The following TBC1D9B variants were observed in gnomAD, a reference collection of about 807,000 sequenced individuals.
TBC1D9B encodes TBC1 domain family, member 9B (with GRAM domain).
A neutral mutation model predicts 121.1 loss-of-function variants in TBC1D9B; 87 were observed. The observed-to-expected ratio is 0.72, with a 90% CI of 0.60 to 0.86. The LOEUF (loss-of-function observed/expected upper bound fraction) is 0.86, where lower values mean the gene tolerates loss of function less well. Among genes scored for constraint, TBC1D9B ranks in the 40% least tolerant of loss-of-function variants. The pLI is 0.00. For synonymous variants in TBC1D9B, 668 were observed against 670.1 expected (o/e 1.00, Z 0.05); for missense variants, 1,540 against 1,628.6 (o/e 0.95, Z 0.94).
Position 179,867,812 on chromosome 5 carries a change from C to T in TBC1D9B, c.2829G>A (p.Ala943=), listed in dbSNP as rs145344137. ...AGCTGTCCTCTGTGAAATAATGGGC[C>T]GCCTCCAGGGCTGACTCGGCTTCCT... ...SPEEAESALE[A]AHYFTEDSSS... Residue 943 remains alanine, a synonymous_variant, in exon 18 of 21, where the codon GCG becomes GCA. Transcript: ENST00000355235. 42 of 1,537,840 alleles carry T rather than the reference C, an allele frequency of 2.7e-5. No homozygotes were observed. The highest frequency in any genetic ancestry group is 4.1e-5 in the African/African-American group (3 of 72,576).
At chr5:179,883,898 TC>T (rs1374060157) in intron 7 of TBC1D9B, among the ~76,000 whole-genome samples, 1 of 152,176 alleles carries the variant, frequency 6.6e-6, no homozygotes, top group Non-Finnish European at 1.5e-5. Context: ...GAGAGGCCTT[TC>T]CCCTGCTGTG....
At position 179,890,096 on chromosome 5, in the gene TBC1D9B, G is replaced by A. The variant is rs1417391441; in HGVS notation, c.1044+1283C>T. Among the ~76,000 whole-genome samples the A allele has an allele frequency of 6.6e-6, 1 of 152,172 alleles. No individual in the cohort carries two copies. Among genetic ancestry groups the A allele is most frequent in the East Asian group, 1.9e-4 (1 of 5,190 alleles). ...GTGGAAGAGGGGTCACTTCCCGAGG[G>A]AAGCATGGAAGCGGGTGGTTGGGAG... On this transcript the variant is annotated intron_variant, in intron 6 of 20. Transcript: ENST00000355235. This position sits in a 1 kb window ranked among gnomAD's most constrained non-coding sequence, Gnocchi z 5.0.
chr5:179,907,424 A>G lies in TBC1D9B; in HGVS notation c.118+280T>C, dbSNP rs1294506802. On this transcript the variant is annotated intron_variant, in intron 1 of 20. Transcript: ENST00000355235. The surrounding 1 kb of genome is among the most constrained non-coding windows in gnomAD (Gnocchi z 5.3). Reference sequence around the variant, plus strand: ...CTCGCGGGCGCCGAATCCGGGCAGAAGCCGCCGCCGGTCTCCACTTGGCCG... The same window carrying G: ...CTCGCGGGCGCCGAATCCGGGCAGAGGCCGCCGCCGGTCTCCACTTGGCCG... Among the ~76,000 whole-genome samples the G allele has an allele frequency of 2.6e-5, 4 of 151,146 alleles. No individual in the cohort carries two copies. The highest frequency in any genetic ancestry group is 4.5e-5 in the Non-Finnish European group (3 of 67,298).
intron 1 of TBC1D9B, among the ~76,000 whole-genome samples, chr5:179,905,719 G>A (rs1482973768): frequency 1.3e-5 from 2 of 152,054 alleles, no homozygotes; most frequent in Non-Finnish European, 1.5e-5. Context: ...TTGAATTATC[G>A]AGCAATCTAA....
intron 5 of TBC1D9B, among the ~76,000 whole-genome samples, chr5:179,892,487 T>A (rs549812974): frequency 2.6e-4 from 40 of 152,328 alleles, no homozygotes; most frequent in African/African-American, 8.9e-4. Context: ...ACCTCAGAGA[T>A]CTTGTCCAGC....
chr5:179,907,390 C>T lies in TBC1D9B; in HGVS notation c.118+314G>A, dbSNP rs1334833295. Among the ~76,000 whole-genome samples, 8 of 152,046 alleles carry T rather than the reference C, an allele frequency of 5.3e-5. No individual in the cohort carries two copies. In the East Asian group the frequency reaches 1.6e-3, roughly 30 times the overall value. On this transcript the variant is annotated intron_variant, in intron 1 of 20. Coordinates refer to ENST00000355235, the MANE Select transcript of TBC1D9B (RefSeq NM_015043.4). This position sits in a 1 kb window ranked among gnomAD's most constrained non-coding sequence, Gnocchi z 5.3. ...GGTGAGATCCCGGGAAGCTGCACGGCCCCCGGGGCTCGCGGGCGCCGAATC... is the reference window on the plus strand; with the variant it reads ...GGTGAGATCCCGGGAAGCTGCACGGTCCCCGGGGCTCGCGGGCGCCGAATC...
At position 179,897,306 on chromosome 5, in the gene TBC1D9B, A is replaced by C. The variant is rs1021867594; in HGVS notation, c.348+1883T>G. Among the ~76,000 whole-genome samples the C allele has an allele frequency of 4.9e-4, 70 of 143,950 alleles. 1 individual carries two copies. Among genetic ancestry groups the C allele is most frequent in the Admixed American group, 1.0e-3 (15 of 14,340 alleles). The allele number at this position is 143,950 out of a possible 152,430, so 94.4% of individuals were successfully genotyped here. Reference sequence around the variant, plus strand: ...CCTGACATGCAGTAGTATTTCAATCATTTTCTTTTCTTTTTTTTTTTTTTG... The same window carrying C: ...CCTGACATGCAGTAGTATTTCAATCCTTTTCTTTTCTTTTTTTTTTTTTTG... On this transcript the variant is annotated intron_variant, in intron 3 of 20. Transcript: ENST00000355235.
intron 7 of TBC1D9B, 152 bp downstream of exon 7, chr5:179,887,951 G>A: frequency 1.1e-6 from 1 of 916,592 alleles, no homozygotes. Flanking sequence ...TGTGGGTCTG[G>A]GCTAGGGGTC....
rs1582071640 is a variant in TBC1D9B, at chr5:179,865,555, G to A, written c.2915-195C>T. On this transcript the variant is annotated intron_variant, in intron 19 of 20. Coordinates refer to ENST00000355235, the MANE Select transcript of TBC1D9B (RefSeq NM_015043.4). The surrounding 1 kb of genome is among the most constrained non-coding windows in gnomAD (Gnocchi z 5.1). ...AGGTTTTCCCTAAATTGCTGCAGTG[G>A]TTGGACCTAAGCTGATGACAATGAT... The A allele has an allele frequency of 3.2e-6, 2 of 633,942 alleles. No homozygotes were observed. The highest frequency in any genetic ancestry group is 1.9e-5 in the South Asian group (1 of 52,626). 39.3% of individuals were successfully genotyped at this position (633,942 alleles called of 1,614,324 possible). A position where few individuals can be genotyped will look rare whatever the true frequency, so the allele number is the denominator to read the frequency against.
chr5:179,871,419 T>C (rs761122021), intron 15 of TBC1D9B, 43 bp downstream of exon 15: 4 of 1,590,106 alleles, frequency 2.5e-6, no homozygotes, highest in African/African-American at 1.3e-5. Context: ...GGCAGGAAGC[T>C]AGGAAGCTAG....
At position 179,900,633 on chromosome 5, in the gene TBC1D9B, C is replaced by G. The variant is rs1181612423; in HGVS notation, c.230-1326G>C. ...GAGCCTCTAATCACACTCTTGTCGACTGACCGATACATAACTGTTTTACAT... is the reference window on the plus strand; with the variant it reads ...GAGCCTCTAATCACACTCTTGTCGAGTGACCGATACATAACTGTTTTACAT... On this transcript the variant is annotated intron_variant, in intron 2 of 20. Coordinates refer to ENST00000355235, the MANE Select transcript of TBC1D9B (RefSeq NM_015043.4). Among the ~76,000 whole-genome samples the G allele has an allele frequency of 2.6e-5, 4 of 152,304 alleles. No individual in the cohort carries two copies. The Middle Eastern group carries it at 0.014, about 518-fold the overall frequency.
intron 18 of TBC1D9B, chr5:179,866,407 T>C (rs1311335095): frequency 6.5e-6 from 1 of 152,880 alleles, no homozygotes; most frequent in African/African-American, 2.4e-5. Flanking sequence ...ACTCCCTGCG[T>C]GGGAACATGC....
At chr5:179,877,611 C>T (rs1760394935) in intron 10 of TBC1D9B, among the ~76,000 whole-genome samples, 1 of 146,010 alleles carries the variant, frequency 6.8e-6, no homozygotes, top group Non-Finnish European at 1.5e-5. Context: ...TTGCAGTGAG[C>T]TGAGACTGCA....
chr5:179,870,203 T>C lies in TBC1D9B; in HGVS notation c.2725+52A>G. ...GAGATGCTGGCATTTGGAGGCTTCC[T>C]GGGAAAGGGTGAGGGAGGGTCAAGC... On this transcript the variant is annotated intron_variant, in intron 16 of 20. Coordinates refer to ENST00000355235, the MANE Select transcript of TBC1D9B (RefSeq NM_015043.4). The C allele has an allele frequency of 1.9e-6, 3 of 1,599,878 alleles. No homozygotes were observed. In the East Asian group the frequency reaches 6.7e-5, roughly 36 times the overall value.
At chr5:179,866,674 A>G (rs950262810) in intron 18 of TBC1D9B, 2 of 152,324 alleles carry the variant, frequency 1.3e-5, no homozygotes, top group African/African-American at 4.8e-5. Context: ...CATGCGGGAC[A>G]AGCCTAGAGT....
rs1761273236 is a variant in TBC1D9B, at chr5:179,904,931, G to A, written c.119-119C>T. 8.3e-6 allele frequency: 6 copies of A among 721,446 alleles called. No homozygotes were observed. The highest frequency in any genetic ancestry group is 3.7e-5 in the African/African-American group (2 of 54,100). 44.7% of individuals were successfully genotyped at this position (721,446 alleles called of 1,614,324 possible). On this transcript the variant is annotated intron_variant, in intron 1 of 20. Coordinates refer to ENST00000355235, the MANE Select transcript of TBC1D9B (RefSeq NM_015043.4). The surrounding 1 kb of genome is among the most constrained non-coding windows in gnomAD (Gnocchi z 4.2). ...CGCTACCCAAAGGGTCCAGCCCAAC[G>A]AGGGAAACGTCCGGAATGACCCCTG...
chr5:179,888,073 C>T (rs371119802), intron 7 of TBC1D9B, 30 bp downstream of exon 7: 24 of 1,611,898 alleles, frequency 1.5e-5, no homozygotes, highest in Non-Finnish European at 1.7e-5. Context: ...GGGCCCAACT[C>T]GACCCTGCTG....
intron 7 of TBC1D9B, among the ~76,000 whole-genome samples, chr5:179,884,925 G>C (rs963999444): frequency 4.6e-5 from 7 of 152,164 alleles, no homozygotes; most frequent in African/African-American, 1.7e-4. Context: ...TTCTGTGGAT[G>C]GATGGTGGTG....
chr5:179,865,721 C>T lies in TBC1D9B; in HGVS notation c.2914+117G>A, dbSNP rs529107248. ...CGAGGCCTGCTCCCTGATCGGGGGA[C>T]GCATCCGCCATCTCCCGGGGTAGGG... On this transcript the variant is annotated intron_variant, in intron 19 of 20. Transcript: ENST00000355235. This position sits in a 1 kb window ranked among gnomAD's most constrained non-coding sequence, Gnocchi z 5.1. 1.9e-5 allele frequency: 22 copies of T among 1,164,842 alleles called. No individual in the cohort carries two copies. Among genetic ancestry groups the T allele is most frequent in the Admixed American group, 4.5e-5 (2 of 44,034 alleles). The allele number at this position is 1,164,842 out of a possible 1,614,324, so 72.2% of individuals were successfully genotyped here.
Sources: allele counts gnomAD v4.1 joint callset (sites outside exome capture counted in the v4.1 genomes callset), GRCh38; gene constraint gnomAD v4.1.1; non-coding constraint Gnocchi (gnomAD v3.1); transcripts MANE v1.5; gene names NCBI Gene and HGNC (gene_info 2026-07-23, HGNC 2026-07-21).